ROBO2: variants seen among roughly 807,000 people sequenced by gnomAD.
ROBO2 encodes roundabout guidance receptor 2.
In ROBO2, 53 loss-of-function variants were observed where a neutral mutation model predicts 160.8. That is an observed-to-expected ratio of 0.33 (90% confidence interval 0.26 to 0.41). ROBO2 has a LOEUF of 0.41. Ranked by LOEUF, ROBO2 falls within the 10% of genes least tolerant of loss-of-function variation. The probability of loss-of-function intolerance (pLI) is 1.00; values close to 1 mark genes in which losing one functional copy is unlikely to be tolerated. For synonymous variants in ROBO2, 664 were observed against 611.7 expected, an observed-to-expected ratio of 1.09 and a Z score of -1.26; for missense variants, 1,577 against 1,722.4, an observed-to-expected ratio of 0.92 and a Z score of 1.49.
intron 2 of ROBO2, among the ~76,000 whole-genome samples, chr3:76,240,596 A>G (rs1705226290): frequency 6.6e-6 from 1 of 152,172 alleles, no homozygotes; most frequent in Non-Finnish European, 1.5e-5. Flanking sequence ...AGTGAAATGA[A>G]AAATAGAAAA....
chr3:77,431,215 C>T (rs1216379415), intron 2 of ROBO2, among the ~76,000 whole-genome samples: 2 of 152,066 alleles, frequency 1.3e-5, no homozygotes, highest in Admixed American at 1.3e-4. Flanking sequence ...ATGATACCCT[C>T]AATTACAATG....
intron 2 of ROBO2, among the ~76,000 whole-genome samples, chr3:76,737,446 A>G (rs2093731873): frequency 6.6e-6 from 1 of 152,182 alleles, no homozygotes; most frequent in Non-Finnish European, 1.5e-5. Context: ...GAAACAAACA[A>G]TATGCAAACA....
intron 2 of ROBO2, among the ~76,000 whole-genome samples, chr3:77,433,486 G>GTGTATATATATATATATATATATATATA (rs1553954821): frequency 1.0e-5 from 1 of 99,402 alleles, no homozygotes; most frequent in Non-Finnish European, 2.1e-5. Context: ...CTGGCAACTT[G>GTGTATATATATATATATATATATATATA]TATATATATA....
intron 2 of ROBO2, among the ~76,000 whole-genome samples, chr3:76,872,073 A>G (rs1030562992): frequency 3.3e-5 from 5 of 152,326 alleles, no homozygotes; most frequent in African/African-American, 9.6e-5. Flanking sequence ...CCCACTGAGA[A>G]TAACAACTTT....
At chr3:76,508,912 C>T (rs1265813053) in intron 2 of ROBO2, among the ~76,000 whole-genome samples, 5 of 151,560 alleles carry the variant, frequency 3.3e-5, no homozygotes, top group Non-Finnish European at 5.9e-5. Flanking sequence ...CATATTGATT[C>T]TGTCTGGATT....
chr3:76,537,622 A>G lies in ROBO2; in HGVS notation c.110-560392A>G, dbSNP rs545095054. Among the ~76,000 whole-genome samples the G allele has an allele frequency of 4.6e-4, 70 of 152,190 alleles. No homozygotes were observed. In the East Asian group the frequency reaches 0.013, roughly 28 times the overall value. On this transcript the variant is annotated intron_variant, in intron 2 of 26. Coordinates refer to the ROBO2 transcript ENST00000487694. The stretch of plus-strand genomic sequence containing the variant: ...TGGATCTCCTCATGGAGAGAGGGTG[A>G]GGACAGGGAACCAGTCTCCCGAAGG...
chr3:77,630,328 C>G (rs975777190), intron 23 of ROBO2: 9 of 152,360 alleles, frequency 5.9e-5, no homozygotes, highest in African/African-American at 9.7e-5. Flanking sequence ...GGAGAGGCCT[C>G]AGGAAACTTA....
chr3:76,676,882 G>C (rs145747378), intron 2 of ROBO2, among the ~76,000 whole-genome samples: 497 of 151,906 alleles, frequency 3.3e-3, no homozygotes, highest in Non-Finnish European at 5.3e-3. Flanking sequence ...TTCTTCTTTA[G>C]GTTCATGCCC....
At chr3:76,090,705 T>C (rs2069195337) in intron 2 of ROBO2, among the ~76,000 whole-genome samples, 1 of 152,130 alleles carries the variant, frequency 6.6e-6, no homozygotes, top group Non-Finnish European at 1.5e-5. Flanking sequence ...CTAAAGCTAT[T>C]GTAATCAAAA....
intron 2 of ROBO2, among the ~76,000 whole-genome samples, chr3:76,087,389 A>G (rs2069056319): frequency 6.6e-6 from 1 of 152,078 alleles, no homozygotes; most frequent in Non-Finnish European, 1.5e-5. Context: ...ATAGAAATAA[A>G]AAACTCACCA....
intron 2 of ROBO2, among the ~76,000 whole-genome samples, chr3:77,151,002 G>C (rs2077507136): frequency 6.6e-6 from 1 of 151,942 alleles, no homozygotes; most frequent in Non-Finnish European, 1.5e-5. Context: ...TTATAGTATA[G>C]GGTTTATTTT....
intron 2 of ROBO2, among the ~76,000 whole-genome samples, chr3:77,143,174 CTTTTTTTTTTTTTTTT>C (rs10546673): frequency 0.03 from 1,785 of 59,842 alleles, 90 homozygotes; most frequent in African/African-American, 0.11. Context: ...TAAACAGCAG[CTTTTTTTTTTTTTTTT>C]TTTTTTTTTT....
At chr3:77,573,569 T>C (rs1397972875) in intron 13 of ROBO2, among the ~76,000 whole-genome samples, 1 of 152,050 alleles carries the variant, frequency 6.6e-6, no homozygotes, top group Non-Finnish European at 1.5e-5. Flanking sequence ...AAGTTTTTCA[T>C]TTAATATTTG....
Position 77,607,891 on chromosome 3 carries a change from C to G in ROBO2, c.3230C>G (p.Pro1077Arg), listed in dbSNP as rs199764877. ...TGGGCCAATGTCCCTCTACCTCCCC[C>G]CCCAGTCCAGCCCCTTCCTGGCACG... Residue 1077 changes from proline (P) to arginine (R), a missense_variant, in exon 21 of 26, where the codon CCC (proline) becomes CGC (arginine). Pro to Arg is a moderately radical substitution (Grantham distance 103). Transcript: ENST00000461745. 61 of 1,613,854 alleles carry G rather than the reference C, an allele frequency of 3.8e-5. No homozygotes were observed. Among genetic ancestry groups the G allele is most frequent in the Middle Eastern group, 1.6e-4 (1 of 6,084 alleles).
chr3:76,469,616 A>G (rs1458425057), intron 2 of ROBO2, among the ~76,000 whole-genome samples: 1 of 151,904 alleles, frequency 6.6e-6, no homozygotes, highest in Non-Finnish European at 1.5e-5. Context: ...TGAATGTGTC[A>G]TTTGCCCTGT....
chr3:76,875,236 G>C (rs975419574), intron 2 of ROBO2, among the ~76,000 whole-genome samples: 1 of 152,170 alleles, frequency 6.6e-6, no homozygotes, highest in African/African-American at 2.4e-5. Context: ...ACACTCACCA[G>C]AAAACCAAAC....
chr3:77,019,847 C>T (rs1004280527), intron 2 of ROBO2, among the ~76,000 whole-genome samples: 1 of 152,188 alleles, frequency 6.6e-6, no homozygotes, highest in African/African-American at 2.4e-5. Flanking sequence ...GATGGTTCAA[C>T]ATTGCCTCTT....
At chr3:76,231,490 C>T (rs1038135668) in intron 2 of ROBO2, among the ~76,000 whole-genome samples, 2 of 151,998 alleles carry the variant, frequency 1.3e-5, no homozygotes, top group Non-Finnish European at 2.9e-5. Flanking sequence ...TTCATTTTTT[C>T]TTTGATGACT....
intron 2 of ROBO2, among the ~76,000 whole-genome samples, chr3:76,783,706 T>C (rs549442708): frequency 6.6e-6 from 1 of 151,024 alleles, no homozygotes; most frequent in East Asian, 2.0e-4. Context: ...AAAGCCTCTA[T>C]GTTCAATATG....
Sources: gnomAD v4.1 joint callset for allele counts (sites outside exome capture counted in the v4.1 genomes callset) on GRCh38, gnomAD v4.1.1 for gene constraint, MANE v1.5 for transcripts, NCBI Gene and HGNC (gene_info 2026-07-23, HGNC 2026-07-21) for gene names.